AGO2: variants seen among roughly 807,000 people sequenced by gnomAD.
AGO2 encodes protein argonaute-2.
AGO2 carries 5 observed loss-of-function variants against 102.3 expected under a neutral mutation model. The ratio of observed to expected loss-of-function variants is 0.05; its 90% CI spans 0.03 to 0.10. The LOEUF (loss-of-function observed/expected upper bound fraction) is 0.10, where lower values mean the gene tolerates loss of function less well. Among genes scored for constraint, AGO2 ranks in the 10% least tolerant of loss-of-function variants. AGO2 has a pLI of 1.00. For synonymous variants in AGO2, 449 were observed against 473.1 expected, an observed-to-expected ratio of 0.95 and a Z score of 0.66; for missense variants, 541 against 1,183.7, an observed-to-expected ratio of 0.46 and a Z score of 7.97.
Position 140,541,265 on chromosome 8 carries a change from T to C in AGO2, c.1933A>G (p.Met645Val). The C allele has an allele frequency of 2.5e-6, 4 of 1,613,540 alleles. No homozygotes were observed. Among genetic ancestry groups the C allele is most frequent in the Non-Finnish European group, 3.4e-6 (4 of 1,179,862 alleles). ...AACTGGATGAGGAGCTCGCGGACCATGGCGGCCAGGTCTTGTATGATCTCC... is the reference window on the plus strand; with the variant it reads ...AACTGGATGAGGAGCTCGCGGACCACGGCGGCCAGGTCTTGTATGATCTCC... ...RQEIIQDLAA[M>V]VRELLIQFYK... is the part of the protein sequence containing the mutation. The change falls in exon 15 of 19, where the codon ATG becomes GTG. Residue 645 changes from methionine (M) to valine (V), a missense_variant. Met to Val is a conservative substitution (Grantham distance 21). Transcript: ENST00000220592.
chr8:140,536,324 C>CT (rs1378415235), intron 16 of AGO2, among the ~76,000 whole-genome samples: 1 of 138,270 alleles, frequency 7.2e-6, no homozygotes, highest in East Asian at 2.1e-4. Context: ...CCCTTCTTTG[C>CT]AATTTTTTTT....
intron 1 of AGO2, among the ~76,000 whole-genome samples, chr8:140,601,109 C>T (rs1204170779): frequency 6.6e-6 from 1 of 152,152 alleles, no homozygotes; most frequent in Non-Finnish European, 1.5e-5. Flanking sequence ...GTCATCCCTC[C>T]ACTCTCAAGT....
At chr8:140,624,205 C>A (rs1354023057) in intron 1 of AGO2, among the ~76,000 whole-genome samples, 2 of 152,174 alleles carry the variant, frequency 1.3e-5, no homozygotes, top group African/African-American at 4.8e-5. Context: ...GACTGGGTCA[C>A]CCGGCTCTGC....
Position 140,607,948 on chromosome 8 carries a change from T to C in AGO2, c.23-22637A>G, listed in dbSNP as rs187398095. 5.3e-5 allele frequency among the ~76,000 whole-genome samples: 8 copies of C among 152,300 alleles called. No homozygotes were observed. The East Asian group carries it at 1.5e-3, about 29-fold the overall frequency. On this transcript the variant is annotated intron_variant, in intron 1 of 18. Coordinates refer to ENST00000220592, the MANE Select transcript of AGO2 (RefSeq NM_012154.5). ...TTGTTCCGCATATTTTACAAACATA[T>C]GGAAGATCTAATCAATAATCAATGA...
chr8:140,538,569 T>C (rs553200375), intron 16 of AGO2, among the ~76,000 whole-genome samples: 7 of 152,336 alleles, frequency 4.6e-5, no homozygotes, highest in Non-Finnish European at 1.0e-4. Context: ...ACCTATGAGA[T>C]GTACCATGGC....
chr8:140,548,777 C>T (rs1321784393), intron 12 of AGO2, among the ~76,000 whole-genome samples: 1 of 152,230 alleles, frequency 6.6e-6, no homozygotes, highest in Non-Finnish European at 1.5e-5. Context: ...GGAGGTGACC[C>T]TGGTGCAACG....
chr8:140,642,217 G>A, the AGO2 span, among the ~76,000 whole-genome samples: 1 of 152,144 alleles, frequency 6.6e-6, no homozygotes, highest in African/African-American at 2.4e-5. Context: ...GGGAGACAGG[G>A]AGCGGCACGG....
chr8:140,586,560 A>C (rs1177361723), intron 1 of AGO2, among the ~76,000 whole-genome samples: 3 of 152,210 alleles, frequency 2.0e-5, no homozygotes, highest in African/African-American at 7.2e-5. Flanking sequence ...GACAGTTTCC[A>C]GGTGTCAGTC....
At chr8:140,581,839 C>T (rs941730857) in intron 2 of AGO2, among the ~76,000 whole-genome samples, 1 of 152,190 alleles carries the variant, frequency 6.6e-6, no homozygotes, top group African/African-American at 2.4e-5. Flanking sequence ...TTTAGTTTTA[C>T]AGATATGAGA....
At chr8:140,585,739 T>C (rs1462880144) in intron 1 of AGO2, among the ~76,000 whole-genome samples, 1 of 152,176 alleles carries the variant, frequency 6.6e-6, no homozygotes, top group African/African-American at 2.4e-5. Context: ...TCCATATTAG[T>C]AAAGTTCAAA....
chr8:140,640,812 C>A, the AGO2 span, among the ~76,000 whole-genome samples: 3 of 152,184 alleles, frequency 2.0e-5, no homozygotes, highest in East Asian at 5.8e-4. Flanking sequence ...AGCCACCACG[C>A]CTGGCCCAGC....
intron 14 of AGO2, among the ~76,000 whole-genome samples, chr8:140,541,860 A>G (rs1380881349): frequency 2.0e-5 from 3 of 152,164 alleles, no homozygotes; most frequent in African/African-American, 7.2e-5. Flanking sequence ...CCGAGATCAC[A>G]CCACGCACTC....
chr8:140,598,959 G>A (rs1564109075), intron 1 of AGO2, among the ~76,000 whole-genome samples: 1 of 152,172 alleles, frequency 6.6e-6, no homozygotes, highest in Non-Finnish European at 1.5e-5. Flanking sequence ...CGACAACAGA[G>A]GCCACTTTCT....
At chr8:140,569,488 C>T (rs1457801956) in intron 3 of AGO2, among the ~76,000 whole-genome samples, 1 of 152,230 alleles carries the variant, frequency 6.6e-6, no homozygotes, top group Non-Finnish European at 1.5e-5. Context: ...ATAGTTGTCT[C>T]CATATGTTCC....
At chr8:140,608,037 T>C (rs564912756) in intron 1 of AGO2, among the ~76,000 whole-genome samples, 1 of 152,324 alleles carries the variant, frequency 6.6e-6, no homozygotes, top group South Asian at 2.1e-4. Context: ...CCCTGTGGCC[T>C]TTGGTGAAGA....
chr8:140,597,012 G>A (rs564534726), intron 1 of AGO2, among the ~76,000 whole-genome samples: 5 of 152,294 alleles, frequency 3.3e-5, no homozygotes, highest in South Asian at 4.1e-4. Flanking sequence ...GTTCTGCACC[G>A]TTGCTGGTGA....
intron 3 of AGO2, among the ~76,000 whole-genome samples, chr8:140,566,927 G>A (rs1464637133): frequency 2.0e-5 from 3 of 152,184 alleles, no homozygotes; most frequent in African/African-American, 7.2e-5. Context: ...AGTGAGCTTG[G>A]GAGTGGGAGA....
chr8:140,562,646 C>T lies in AGO2; in HGVS notation c.337-12G>A. The T allele has an allele frequency of 6.2e-7, 1 of 1,610,830 alleles. No homozygotes were observed. The highest frequency in any genetic ancestry group is 8.5e-7 in the Non-Finnish European group (1 of 1,178,260). ...ACCTCCAGCTCCACCTGCGAGGATC[C>T]AAGGCACACAAGGTTACTCCCTCCT... On this transcript the variant is annotated splice_polypyrimidine_tract_variant and intron_variant, in intron 3 of 18. Coordinates refer to ENST00000220592, the MANE Select transcript of AGO2 (RefSeq NM_012154.5).
In AGO2 at chr8:140,526,897, C is replaced by A. The variant is rs2072516035; in HGVS notation, c.*5147G>T. ...AGAGTGACACACGGGGGCTACAGCA[C>A]ACGCTGCTACTCCAGCAAAATAACG... On this transcript the variant is annotated 3_prime_UTR_variant, in exon 19 of 19. Transcript: ENST00000220592. This position sits in a 1 kb window ranked among gnomAD's most constrained non-coding sequence, Gnocchi z 5.2. 6.6e-6 allele frequency: 1 copy of A among 152,276 alleles called. No homozygotes were observed. Among genetic ancestry groups the A allele is most frequent in the African/African-American group, 2.4e-5 (1 of 41,432 alleles). 9.4% of individuals were successfully genotyped at this position (152,276 alleles called of 1,614,324 possible).
Sources: allele counts gnomAD v4.1 joint callset (sites outside exome capture counted in the v4.1 genomes callset), GRCh38; gene constraint gnomAD v4.1.1; non-coding constraint Gnocchi (gnomAD v3.1); transcripts MANE v1.5; gene names NCBI Gene and HGNC (gene_info 2026-07-23, HGNC 2026-07-21).